The following HRH2 variants were observed in gnomAD, a reference collection of about 807,000 sequenced individuals.
HRH2 encodes histamine receptor H2, also known as histamine H2 receptor.
HRH2 carries 4 observed loss-of-function variants against 20.1 expected under a neutral mutation model. The observed-to-expected ratio is 0.20, with a 90% CI of 0.10 to 0.45. HRH2 has a LOEUF of 0.45. Ranked by LOEUF, HRH2 falls within the 20% of genes least tolerant of loss-of-function variation. HRH2 has a pLI of 0.99. For missense variants in HRH2, 250 were observed against 461.6 expected (o/e 0.54, Z 4.20); for synonymous variants, 197 against 200.7 (o/e 0.98, Z 0.16).
intron 1 of HRH2, among the ~76,000 whole-genome samples, chr5:175,666,336 C>A (rs1341854249): frequency 6.6e-6 from 1 of 152,218 alleles, no homozygotes; most frequent in Non-Finnish European, 1.5e-5. Context: ...CCACCCCCAG[C>A]CCCTCTCAGT....
chr5:175,697,211 C>G (rs1408957860), intron 2 of HRH2, among the ~76,000 whole-genome samples: 1 of 152,102 alleles, frequency 6.6e-6, no homozygotes. Context: ...CGCCTGTAAT[C>G]CCAGCACTTT....
chr5:175,690,926 C>CCTT (rs1314259331), intron 2 of HRH2, among the ~76,000 whole-genome samples: 1 of 152,180 alleles, frequency 6.6e-6, no homozygotes, highest in African/African-American at 2.4e-5. Context: ...GTCTTTTCTT[C>CCTT]CTTCGTCCCT....
At chr5:175,679,694 A>C (rs1755894180) in intron 1 of HRH2, among the ~76,000 whole-genome samples, 1 of 152,228 alleles carries the variant, frequency 6.6e-6, no homozygotes, top group African/African-American at 2.4e-5. Flanking sequence ...GGTTGAAGTG[A>C]ATACAAGAAA....
In HRH2 at chr5:175,708,748, G is replaced by A; in HGVS notation, c.*777G>A. On this transcript the variant is annotated 3_prime_UTR_variant, in exon 3 of 3. Transcript: ENST00000636584. ...AGAAGGCAAATATTTCCTTGACTCAGCCACCTTCCTCCTAGCAAGGCTTAG... is the reference window on the plus strand; with the variant it reads ...AGAAGGCAAATATTTCCTTGACTCAACCACCTTCCTCCTAGCAAGGCTTAG... 1 of 152,316 alleles carries A rather than the reference G, an allele frequency of 6.6e-6. No homozygotes were observed. Among genetic ancestry groups the A allele is most frequent in the South Asian group, 2.1e-4 (1 of 4,826 alleles). The allele number at this position is 152,316 out of a possible 1,614,324, so 9.4% of individuals were successfully genotyped here. A position where few individuals can be genotyped will look rare whatever the true frequency, so the allele number is the denominator to read the frequency against.
intron 2 of HRH2, among the ~76,000 whole-genome samples, chr5:175,704,692 A>T (rs1328303490): frequency 6.6e-6 from 1 of 152,202 alleles, no homozygotes; most frequent in Non-Finnish European, 1.5e-5. Flanking sequence ...GAAACCAAAA[A>T]GTATCTACAA....
At chr5:175,705,837 A>AT (rs887537160) in intron 2 of HRH2, among the ~76,000 whole-genome samples, 10 of 151,490 alleles carry the variant, frequency 6.6e-5, no homozygotes, top group East Asian at 1.9e-4. Flanking sequence ...TAATTTTTGT[A>AT]TTTTTTTTGT....
rs919225163 is a variant in HRH2 at position 175,681,688 on chromosome 5, G to A, written c.-525-1021G>A. Reference sequence around the variant, plus strand: ...TTGCACTACTTCAATAGTGCAAAGGGAGGAAGGGAGGAAGGAGAAACCACC... The same window carrying A: ...TTGCACTACTTCAATAGTGCAAAGGAAGGAAGGGAGGAAGGAGAAACCACC... On this transcript the variant is annotated intron_variant, in intron 1 of 2. Coordinates refer to ENST00000636584, the MANE Select transcript of HRH2 (RefSeq NM_001367711.1). This position sits in a 1 kb window ranked among gnomAD's most constrained non-coding sequence, Gnocchi z 4.3. Among the ~76,000 whole-genome samples the A allele has an allele frequency of 6.6e-6, 1 of 152,212 alleles. No homozygotes were observed. Among genetic ancestry groups the A allele is most frequent in the Admixed American group, 6.5e-5 (1 of 15,280 alleles).
At chr5:175,702,852 C>T (rs916639425) in intron 2 of HRH2, among the ~76,000 whole-genome samples, 2 of 151,702 alleles carry the variant, frequency 1.3e-5, no homozygotes, top group Non-Finnish European at 2.9e-5. Flanking sequence ...CAGGCGTGAG[C>T]CACTGTGCCC....
At chr5:175,697,896 A>C (rs893609868) in intron 2 of HRH2, among the ~76,000 whole-genome samples, 2 of 151,900 alleles carry the variant, frequency 1.3e-5, no homozygotes, top group African/African-American at 4.8e-5. Flanking sequence ...AGCCTTGTCC[A>C]CCTCCCCAAA....
chr5:175,683,593 C>T lies in HRH2; in HGVS notation c.360C>T (p.Val120=). ...FMISLDRYCA[V]MDPLRYPVLV... is the part of the protein sequence containing the mutation. ...TCAGCCTCGACCGGTACTGCGCTGT[C>T]ATGGACCCACTGCGGTACCCTGTGC... is the stretch of plus-strand genomic sequence containing the variant. Residue 120 remains valine (V), a synonymous_variant, in exon 2 of 3, where the codon GTC becomes GTT. Coordinates refer to ENST00000636584, the MANE Select transcript of HRH2 (RefSeq NM_001367711.1). 1.2e-6 allele frequency: 2 copies of T among 1,614,228 alleles called. No homozygotes were observed. Among genetic ancestry groups the T allele is most frequent in the Middle Eastern group, 1.7e-4 (1 of 6,060 alleles).
In HRH2 at chr5:175,708,178, C is replaced by T. The variant is rs1046844030; in HGVS notation, c.*207C>T. The T allele has an allele frequency of 1.0e-5, 4 of 384,804 alleles. No individual in the cohort carries two copies. Among genetic ancestry groups the T allele is most frequent in the African/African-American group, 2.1e-5 (1 of 48,380 alleles). The allele number at this position is 384,804 out of a possible 1,614,324, so 23.8% of individuals were successfully genotyped here. A position where few individuals can be genotyped will look rare whatever the true frequency, so the allele number is the denominator to read the frequency against. On this transcript the variant is annotated 3_prime_UTR_variant, in exon 3 of 3. Transcript: ENST00000636584. ...AGCATTCCCAGACAGGCACGCAAGACTCCTCTGGGCCCGAGTGGGCTGAAT... is the reference window on the plus strand; with the variant it reads ...AGCATTCCCAGACAGGCACGCAAGATTCCTCTGGGCCCGAGTGGGCTGAAT...
rs952612495 is a variant in HRH2 at position 175,709,848 on chromosome 5, G to A, written c.*1877G>A. On this transcript the variant is annotated 3_prime_UTR_variant, in exon 3 of 3. Transcript: ENST00000636584. ...ACACAGGTAGATAAAACCATCTTCA[G>A]CCCAGCCCTCAGGCCCTGTGTGCTG... 1 of 152,312 alleles carries A rather than the reference G, an allele frequency of 6.6e-6. No homozygotes were observed. The highest frequency in any genetic ancestry group is 1.5e-5 in the Non-Finnish European group (1 of 68,216). 9.4% of individuals were successfully genotyped at this position (152,312 alleles called of 1,614,324 possible). A position where few individuals can be genotyped will look rare whatever the true frequency, so the allele number is the denominator to read the frequency against.
At chr5:175,689,045 C>T (rs1253655821) in intron 2 of HRH2, among the ~76,000 whole-genome samples, 8 of 152,156 alleles carry the variant, frequency 5.3e-5, no homozygotes, top group Admixed American at 5.2e-4. Flanking sequence ...CAGCTGGTGC[C>T]TCCCCACTCC....
rs758720885 is a variant in HRH2, at chr5:175,683,948, G to A, written c.715G>A (p.Val239Ile). The A allele has an allele frequency of 3.7e-5, 59 of 1,614,070 alleles. No individual in the cohort carries two copies. Among genetic ancestry groups the A allele is most frequent in the Non-Finnish European group, 4.3e-5 (51 of 1,180,036 alleles). ...CAAAGCCACAGTGACACTGGCCGCC[G>A]TCATGGGGGCCTTCATCATCTGCTG... ...EHKATVTLAAVMGAFIICWFP... is the reference protein window; with the variant it reads ...EHKATVTLAAIMGAFIICWFP... Residue 239 changes from valine to isoleucine, a missense_variant, in exon 2 of 3, where the codon GTC (valine) becomes ATC (isoleucine). Val to Ile is a conservative substitution (Grantham distance 29). Coordinates refer to ENST00000636584, the MANE Select transcript of HRH2 (RefSeq NM_001367711.1).
intron 2 of HRH2, among the ~76,000 whole-genome samples, chr5:175,698,108 C>T (rs1413100910): frequency 6.6e-6 from 1 of 152,246 alleles, no homozygotes; most frequent in African/African-American, 2.4e-5. Context: ...GTAGTTTACA[C>T]CTGTGCATAC....
At chr5:175,676,923 A>G (rs1300054245) in intron 1 of HRH2, among the ~76,000 whole-genome samples, 1 of 152,216 alleles carries the variant, frequency 6.6e-6, no homozygotes, top group Non-Finnish European at 1.5e-5. Flanking sequence ...ATTCTTTTTT[A>G]TGGCTGAATG....
chr5:175,664,227 T>C (rs1429236663), intron 1 of HRH2, among the ~76,000 whole-genome samples: 1 of 152,184 alleles, frequency 6.6e-6, no homozygotes, highest in East Asian at 1.9e-4. Context: ...TTGCCCATTT[T>C]TCCTGGGAGA....
rs765723530 is a variant in HRH2 at position 175,683,190 on chromosome 5, C to A, written c.-44C>A. On this transcript the variant is annotated 5_prime_UTR_variant, in exon 2 of 3. Coordinates refer to ENST00000636584, the MANE Select transcript of HRH2 (RefSeq NM_001367711.1). ...TGTCACATTGGGAGCAGAGAAGAAG[C>A]AACCAGGGGCCCTGATCAGGGGACT... is the stretch of plus-strand genomic sequence containing the variant. The A allele has an allele frequency of 2.9e-5, 45 of 1,576,514 alleles. 1 individual carries two copies. In the South Asian group the frequency reaches 4.9e-4, roughly 17 times the overall value.
intron 1 of HRH2, among the ~76,000 whole-genome samples, chr5:175,669,898 C>A (rs1446802636): frequency 6.6e-6 from 1 of 152,244 alleles, no homozygotes; most frequent in East Asian, 1.9e-4. Flanking sequence ...AGGAATCCTG[C>A]CTTTACCGTT....
Sources: allele counts gnomAD v4.1 joint callset (sites outside exome capture counted in the v4.1 genomes callset), GRCh38; gene constraint gnomAD v4.1.1; non-coding constraint Gnocchi (gnomAD v3.1); transcripts MANE v1.5; gene names NCBI Gene and HGNC (gene_info 2026-07-23, HGNC 2026-07-21).